The following DKK3 variants were observed in gnomAD, a reference collection of about 807,000 sequenced individuals.
DKK3 encodes dickkopf-related protein 3.
In DKK3, 22 loss-of-function variants were observed where a neutral mutation model predicts 33.2. The ratio of observed to expected loss-of-function variants is 0.66; its 90% confidence interval spans 0.47 to 0.95. The LOEUF is 0.95. Among genes scored for constraint, DKK3 ranks in the 40% least tolerant of loss-of-function variants. DKK3 has a pLI of 0.00. For synonymous variants in DKK3, 194 were observed against 188.8 expected (o/e 1.03, Z -0.23); for missense variants, 398 against 458.4 (o/e 0.87, Z 1.20).
intron 3 of DKK3, among the ~76,000 whole-genome samples, chr11:11,987,308 C>T (rs1236960284): frequency 6.6e-6 from 1 of 152,172 alleles, no homozygotes; most frequent in Non-Finnish European, 1.5e-5. Context: ...GGCACCAAGA[C>T]CCTGCTTCCT....
intron 3 of DKK3, among the ~76,000 whole-genome samples, chr11:11,978,586 C>A (rs1332849669): frequency 6.6e-6 from 1 of 151,178 alleles, no homozygotes; most frequent in East Asian, 1.9e-4. Flanking sequence ...TATATGTTGC[C>A]CAAGCTGGCC....
At chr11:12,009,374 G>A (rs944258871), upstream of DKK3, 1 of 452,928 alleles carries the variant, frequency 2.2e-6, no homozygotes, top group East Asian at 4.5e-4. Context: ...CTCCGCCCCC[G>A]CCCCGAGCCC....
At chr11:11,987,005 C>G (rs1227888091) in intron 3 of DKK3, among the ~76,000 whole-genome samples, 1 of 152,168 alleles carries the variant, frequency 6.6e-6, no homozygotes, top group Non-Finnish European at 1.5e-5. Flanking sequence ...AATTTTACTT[C>G]CGTTTCTATT....
At chr11:12,009,196 G>C (rs1430229220), upstream of DKK3, 2 of 984,996 alleles carry the variant, frequency 2.0e-6, no homozygotes. Context: ...GTTGCGCTGC[G>C]GGCCGGACTG....
chr11:11,974,078 C>A (rs1847781452), intron 3 of DKK3, among the ~76,000 whole-genome samples: 1 of 152,246 alleles, frequency 6.6e-6, no homozygotes, highest in African/African-American at 2.4e-5. Flanking sequence ...GGGCCAGGGC[C>A]TTCCCCAAGC....
At chr11:11,989,870 G>A (rs915844462) in intron 3 of DKK3, among the ~76,000 whole-genome samples, 1 of 152,050 alleles carries the variant, frequency 6.6e-6, no homozygotes, top group East Asian at 1.9e-4. Flanking sequence ...AATTTTCTCT[G>A]AGCCTCAGTT....
At chr11:11,982,735 C>T (rs1847982521) in intron 3 of DKK3, among the ~76,000 whole-genome samples, 3 of 152,194 alleles carry the variant, frequency 2.0e-5, no homozygotes, top group South Asian at 2.1e-4. Flanking sequence ...CCCGCCACAA[C>T]CATGGTGAGC....
rs8169 is a variant in DKK3 at position 11,963,307 on chromosome 11, T to A, written c.*1157A>T. 0.039 allele frequency: 5,967 copies of A among 152,644 alleles called. 152 individuals carry two copies. Among genetic ancestry groups the A allele is most frequent in the Non-Finnish European group, 0.058 (3,961 of 68,028 alleles). 9.5% of individuals were successfully genotyped at this position (152,644 alleles called of 1,614,324 possible). ...AGAGTTCAGTGTTCGCAGTCGCATATTACAACCATGTTTCACACAGCCCTG... is the reference window on the plus strand; with the variant it reads ...AGAGTTCAGTGTTCGCAGTCGCATAATACAACCATGTTTCACACAGCCCTG... On this transcript the variant is annotated 3_prime_UTR_variant, in exon 7 of 7. Coordinates refer to ENST00000683431, the MANE Select transcript of DKK3 (RefSeq NM_001018057.2).
At chr11:11,987,975 A>G (rs1165099509) in intron 3 of DKK3, among the ~76,000 whole-genome samples, 2 of 152,194 alleles carry the variant, frequency 1.3e-5, no homozygotes, top group Non-Finnish European at 2.9e-5. Context: ...AGCATCTATT[A>G]AACACCATTC....
At chr11:11,995,688 T>C (rs1848278032) in intron 3 of DKK3, among the ~76,000 whole-genome samples, 1 of 152,234 alleles carries the variant, frequency 6.6e-6, no homozygotes, top group South Asian at 2.1e-4. Context: ...TGCTCTAGCT[T>C]CTACATGCTG....
intron 4 of DKK3, 139 bp from the exon 5 acceptor site, chr11:11,967,237 T>C: frequency 1.8e-6 from 2 of 1,098,946 alleles, no homozygotes; most frequent in Non-Finnish European, 1.3e-6. Flanking sequence ...GAGATTTCAG[T>C]GAAAGTCAGT....
intron 3 of DKK3, among the ~76,000 whole-genome samples, chr11:11,995,083 T>G (rs1252448290): frequency 6.6e-6 from 1 of 151,786 alleles, no homozygotes; most frequent in African/African-American, 2.4e-5. Context: ...CAGAAGTCTG[T>G]TGTTTGTTTG....
At chr11:11,981,139 G>C (rs1847946282) in intron 3 of DKK3, among the ~76,000 whole-genome samples, 1 of 152,178 alleles carries the variant, frequency 6.6e-6, no homozygotes, top group South Asian at 2.1e-4. Flanking sequence ...ACTAACTGTG[G>C]AGGAAGTAAT....
chr11:12,008,667 G>A (rs936405878), upstream of DKK3: 13 of 1,090,590 alleles, frequency 1.2e-5, no homozygotes, highest in African/African-American at 2.0e-5. This position sits in a 1 kb window ranked among gnomAD's most constrained non-coding sequence, Gnocchi z 4.6. Context: ...TGGGCCCGCC[G>A]CCCCGCCCCG....
chr11:11,973,419 C>T (rs1467045827), intron 3 of DKK3, among the ~76,000 whole-genome samples: 4 of 152,212 alleles, frequency 2.6e-5, no homozygotes, highest in South Asian at 2.1e-4. Context: ...CAGGAACTCA[C>T]GGTCAAGGCC....
chr11:11,988,532 C>T (rs1406374882), intron 3 of DKK3, among the ~76,000 whole-genome samples: 1 of 152,212 alleles, frequency 6.6e-6, no homozygotes, highest in African/African-American at 2.4e-5. Context: ...GAAGCCCTCG[C>T]TACCACAGGT....
chr11:11,966,970 G>C lies in DKK3; in HGVS notation c.657C>G (p.Cys219Trp), dbSNP rs761137266. 2.5e-6 allele frequency: 4 copies of C among 1,613,996 alleles called. No homozygotes were observed. ...DNQRDCQPGL[C>W]CAFQRGLLFP... ...GCCACTCACCTCTCTGGAAGGCACA[G>C]CACAGCCCCGGCTGGCAGTCCCTCT... Residue 219 changes from cysteine to tryptophan, a missense_variant, in exon 5 of 7, where the codon TGC becomes TGG. By Grantham distance (215) the Cys-to-Trp change is radical. Transcript: ENST00000683431.
intron 3 of DKK3, among the ~76,000 whole-genome samples, chr11:11,974,203 C>T (rs984402193): frequency 1.3e-5 from 2 of 152,370 alleles, no homozygotes; most frequent in South Asian, 2.1e-4. Context: ...GTCCTCAGAG[C>T]TCTGCACACT....
chr11:11,979,692 C>T (rs1469826537), intron 3 of DKK3: 2 of 152,434 alleles, frequency 1.3e-5, no homozygotes, highest in African/African-American at 4.8e-5. Flanking sequence ...ATACCTCATC[C>T]TATGCACAAT....
Sources: allele counts gnomAD v4.1 joint callset (sites outside exome capture counted in the v4.1 genomes callset), GRCh38; gene constraint gnomAD v4.1.1; non-coding constraint Gnocchi (gnomAD v3.1); transcripts MANE v1.5; gene names NCBI Gene and HGNC (gene_info 2026-07-23, HGNC 2026-07-21).